Variants in CCN6 observed in about 807,000 individuals in gnomAD.
CCN6 encodes CCN family member 6.
In CCN6, 31 loss-of-function variants were observed where a neutral mutation model predicts 37.4. The ratio of observed to expected loss-of-function variants is 0.83; its 90% CI spans 0.62 to 1.12. CCN6 has a LOEUF of 1.12. CCN6 is among the 50% of genes most tolerant of loss of function. The probability of loss-of-function intolerance (pLI) is 0.00; values close to 1 mark genes in which losing one functional copy is unlikely to be tolerated. For synonymous variants in CCN6, 137 were observed against 142.1 expected, an observed-to-expected ratio of 0.96 and a Z score of 0.26; for missense variants, 369 against 413.8, an observed-to-expected ratio of 0.89 and a Z score of 0.94.
Position 112,069,538 on chromosome 6 carries a change from A to C in CCN6, c.983A>C (p.Lys328Thr). The change falls in exon 5 of 5, where the codon AAG becomes ACG. Residue 328 changes from lysine (K) to threonine (T), a missense_variant. Lys to Thr is a moderately conservative substitution (Grantham distance 78). Coordinates refer to ENST00000368666, the MANE Select transcript of CCN6 (RefSeq NM_198239.2). ...DCPNEGSFKW[K>T]MLWITSCVCQ... ...CCAAATGAGGGGTCATTTAAATGGA[A>C]GATGCTGTGGATTACATCTTGTGTG... The C allele has an allele frequency of 6.2e-7, 1 of 1,613,782 alleles. No individual in the cohort carries two copies. The highest frequency in any genetic ancestry group is 8.5e-7 in the Non-Finnish European group (1 of 1,179,820).
chr6:112,054,421 C>T lies in CCN6; in HGVS notation c.48+16C>T, dbSNP rs1776283955. The T allele has an allele frequency of 3.1e-6, 5 of 1,611,858 alleles. No individual in the cohort carries two copies. Among genetic ancestry groups the T allele is most frequent in the South Asian group, 1.1e-5 (1 of 90,982 alleles). ...CCTGGCACAGGTAAGTCCTCTCCCC[C>T]GACTCTTTCCCTTCCGGAGGCTATG... On this transcript the variant is annotated intron_variant, in intron 1 of 4. Coordinates refer to ENST00000368666, the MANE Select transcript of CCN6 (RefSeq NM_198239.2).
At chr6:112,062,484 C>T (rs1776556922) in intron 2 of CCN6, among the ~76,000 whole-genome samples, 1 of 152,182 alleles carries the variant, frequency 6.6e-6, no homozygotes, top group African/African-American at 2.4e-5. Context: ...AGATATAGGC[C>T]TTGGCCTCAG....
intron 2 of CCN6, among the ~76,000 whole-genome samples, chr6:112,063,312 G>A (rs143724362): frequency 6.6e-6 from 1 of 152,244 alleles, no homozygotes; most frequent in Non-Finnish European, 1.5e-5. Flanking sequence ...AAGTGACAGT[G>A]CCTTAAAAAT....
chr6:112,061,408 T>A, intron 2 of CCN6, 120 bp downstream of exon 2: 1 of 1,297,882 alleles, frequency 7.7e-7, no homozygotes, highest in South Asian at 1.2e-5. Context: ...GGGTTTAGTT[T>A]TCATGCACCA....
At chr6:112,053,864 G>T (rs587630353), upstream of CCN6, among the ~76,000 whole-genome samples, 11 of 146,044 alleles carry the variant, frequency 7.5e-5, no homozygotes, top group African/African-American at 2.5e-5. Flanking sequence ...GGTGCTGTTG[G>T]TGGGGGGGCC....
rs587774583 is a variant in CCN6, at chr6:112,065,017, T to C, written c.589+20T>C. 1 of 1,613,826 alleles carries C rather than the reference T, an allele frequency of 6.2e-7. No individual in the cohort carries two copies. The highest frequency in any genetic ancestry group is 8.5e-7 in the Non-Finnish European group (1 of 1,179,888). ...TGCCAGGTGCTCAGAAGTAGAGCTA[T>C]TTTTCACGTATGACCTTGGTGGTAT... On this transcript the variant is annotated intron_variant, in intron 3 of 4. Coordinates refer to ENST00000368666, the MANE Select transcript of CCN6 (RefSeq NM_198239.2).
rs782813357 is a variant in CCN6 at position 112,061,108 on chromosome 6, C to G, written c.166C>G (p.Gln56Glu). 3.1e-6 allele frequency: 5 copies of G among 1,614,184 alleles called. No homozygotes were observed. The highest frequency in any genetic ancestry group is 3.3e-4 in the Middle Eastern group (2 of 6,060). ...TTGTCACTGGCCCTGCAAATGCCCT[C>G]AGCAGAAGCCCCGTTGCCCTCCTGG... is the stretch of plus-strand genomic sequence containing the variant. ...QFCHWPCKCPQQKPRCPPGVS... is the reference protein window; with the variant it reads ...QFCHWPCKCPEQKPRCPPGVS... Residue 56 changes from glutamine (Q) to glutamate (E), a missense_variant, in exon 2 of 5, where the codon CAG (glutamine) becomes GAG (glutamate). Physicochemically the swap from Gln to Glu is conservative, Grantham distance 29. Coordinates refer to ENST00000368666, the MANE Select transcript of CCN6 (RefSeq NM_198239.2).
chr6:112,053,440 G>A (rs1776260712), upstream of CCN6, among the ~76,000 whole-genome samples: 1 of 151,288 alleles, frequency 6.6e-6, no homozygotes, highest in South Asian at 2.1e-4. Flanking sequence ...GGGATTACAG[G>A]CGCCTGCCAC....
rs587719350 is a variant in CCN6 at position 112,068,667 on chromosome 6, A to G, written c.783+269A>G. Among the ~76,000 whole-genome samples the G allele has an allele frequency of 3.9e-5, 6 of 152,226 alleles. No individual in the cohort carries two copies. In the South Asian group the frequency reaches 6.2e-4, roughly 16 times the overall value. On this transcript the variant is annotated intron_variant, in intron 4 of 4. Transcript: ENST00000368666. ...TGCTACACTATAATTATGAAAACAG[A>G]TATTATGAACATCAGAGTAGAGAAG...
intron 1 of CCN6, among the ~76,000 whole-genome samples, chr6:112,056,880 G>A (rs1382198810): frequency 6.6e-6 from 1 of 151,294 alleles, no homozygotes; most frequent in Non-Finnish European, 1.5e-5. Flanking sequence ...TTTCAACATT[G>A]TCTTTGCACA....
Position 112,054,538 on chromosome 6 carries a change from T to C in CCN6, c.48+133T>C, listed in dbSNP as rs1306137279. The C allele has an allele frequency of 1.5e-5, 12 of 806,188 alleles. No individual in the cohort carries two copies. In the East Asian group the frequency reaches 3.1e-4, roughly 21 times the overall value. The allele number at this position is 806,188 out of a possible 1,614,324, so 49.9% of individuals were successfully genotyped here. A position where few individuals can be genotyped will look rare whatever the true frequency, so the allele number is the denominator to read the frequency against. On this transcript the variant is annotated intron_variant, in intron 1 of 4. Transcript: ENST00000368666. ...GCTTGTGGAACTACTTCATGAGAAA[T>C]AGGAAGCCATTTTTCTTTCCAAATA...
rs782099513 is a variant in CCN6 at position 112,061,265 on chromosome 6, G to C, written c.323G>C (p.Arg108Thr). The C allele has an allele frequency of 6.2e-7, 1 of 1,614,210 alleles. No homozygotes were observed. Among genetic ancestry groups the C allele is most frequent in the South Asian group, 1.1e-5 (1 of 91,086 alleles). Residue 108 changes from arginine to threonine, a missense_variant, in exon 2 of 5, where the codon AGG (arginine) becomes ACG (threonine). Transcript: ENST00000368666. ...TGTGACTACTCAGTAGACAGGCCTA[G>C]GTACGAGACTGGAGTGTGTGCATGT... ...LYCDYSVDRP[R>T]YETGVCAYLV... is the part of the protein sequence containing the mutation.
chr6:112,055,178 C>T (rs1388804128), intron 1 of CCN6, among the ~76,000 whole-genome samples: 1 of 152,168 alleles, frequency 6.6e-6, no homozygotes, highest in Non-Finnish European at 1.5e-5. Flanking sequence ...GTAGTAGATA[C>T]ATCTTAGAAA....
intron 3 of CCN6, among the ~76,000 whole-genome samples, chr6:112,065,891 A>C (rs1170554484): frequency 6.6e-6 from 1 of 152,222 alleles, no homozygotes; most frequent in Non-Finnish European, 1.5e-5. Context: ...GAGGGACTCA[A>C]AAGGGGCAAC....
rs9487806 is a variant in CCN6, at chr6:112,061,020, A to T, written c.78A>T (p.Pro26=). The T allele has an allele frequency of 1.7e-3, 2,809 of 1,614,186 alleles. 46 individuals carry two copies. The African/African-American group carries it at 0.032, about 19-fold the overall frequency. ...QFCCRVQGTG[P]LDTTPEGRPG... ...GCTGCAGGGTACAGGGCACTGGACC[A>T]TTAGATACAACACCTGAAGGAAGGC... The change falls in exon 2 of 5, where the codon CCA becomes CCT. Residue 26 remains proline, a synonymous_variant. Coordinates refer to ENST00000368666, the MANE Select transcript of CCN6 (RefSeq NM_198239.2).
At chr6:112,064,205 A>G (rs1171125910) in intron 2 of CCN6, among the ~76,000 whole-genome samples, 2 of 152,178 alleles carry the variant, frequency 1.3e-5, no homozygotes, top group Non-Finnish European at 2.9e-5. Flanking sequence ...GACCTTGCAG[A>G]TCCCCTAAAA....
intron 3 of CCN6, among the ~76,000 whole-genome samples, chr6:112,066,754 G>C (rs187095953): frequency 1.2e-3 from 182 of 152,192 alleles, no homozygotes; most frequent in African/African-American, 4.2e-3. Context: ...GCTTTTGCTA[G>C]GTCAGTATGA....
At chr6:112,059,477 C>T (rs1314655250) in intron 1 of CCN6, among the ~76,000 whole-genome samples, 4 of 152,152 alleles carry the variant, frequency 2.6e-5, no homozygotes, top group Admixed American at 1.3e-4. Context: ...GCAACGGCAT[C>T]GCTCCTACCT....
intron 1 of CCN6, 88 bp from the exon 2 acceptor site, chr6:112,060,903 T>C: frequency 6.7e-7 from 1 of 1,484,166 alleles, no homozygotes; most frequent in Admixed American, 1.8e-5. Context: ...CCACTCTGTA[T>C]ACTACCTGTT....
Sources: gnomAD v4.1 joint callset for allele counts (sites outside exome capture counted in the v4.1 genomes callset) on GRCh38, gnomAD v4.1.1 for gene constraint, MANE v1.5 for transcripts, NCBI Gene and HGNC (gene_info 2026-07-23, HGNC 2026-07-21) for gene names.